The following RASSF1 variants were observed in gnomAD, a reference collection of about 807,000 sequenced individuals.
The protein encoded by RASSF1 is ras association domain-containing protein 1.
In RASSF1, 33 loss-of-function variants were observed where a neutral mutation model predicts 34.3. That is an observed-to-expected ratio of 0.96 (90% CI 0.73 to 1.29). RASSF1 has a LOEUF of 1.29. Ranked by LOEUF, RASSF1 falls within the 50% of genes most tolerant of loss-of-function variation. The probability of loss-of-function intolerance (pLI) is 0.00; values close to 1 mark genes in which losing one functional copy is unlikely to be tolerated. For synonymous variants in RASSF1, 191 were observed against 195.0 expected (o/e 0.98, Z 0.17); for missense variants, 445 against 471.8 (o/e 0.94, Z 0.53).
intron 1 of RASSF1, 62 bp downstream of exon 1, chr3:50,340,494 G>A (rs901586320): frequency 2.2e-6 from 3 of 1,388,266 alleles, no homozygotes; most frequent in African/African-American, 3.1e-5. Flanking sequence ...TTGACCCGCG[G>A]CGACTGCGCT....
At chr3:50,336,533 T>G (rs991065009) in intron 2 of RASSF1, 3 of 152,274 alleles carry the variant, frequency 2.0e-5, no homozygotes, top group Non-Finnish European at 4.4e-5. Flanking sequence ...CCCCTTCCTG[T>G]GGGTAAAGTG....
At chr3:50,333,640 C>T (rs587725873) in intron 2 of RASSF1, among the ~76,000 whole-genome samples, 8 of 152,198 alleles carry the variant, frequency 5.3e-5, no homozygotes, top group South Asian at 2.1e-4. Context: ...CAACAACACC[C>T]GGCTAATTTT....
At chr3:50,339,493 G>T (rs1232267485) in intron 1 of RASSF1, among the ~76,000 whole-genome samples, 6 of 148,456 alleles carry the variant, frequency 4.0e-5, no homozygotes, top group Non-Finnish European at 8.9e-5. Context: ...AGCCTCCCGA[G>T]TAGCTGGGAT....
At chr3:50,337,121 GA>G in intron 2 of RASSF1, 1 of 1,522,976 alleles carries the variant, frequency 6.6e-7, no homozygotes, top group South Asian at 1.2e-5. Flanking sequence ...GGGGAGGGCG[GA>G]GCTCCAGCGA....
rs782278999 is a variant in RASSF1 at position 50,330,255 on chromosome 3, AG to A, written c.*325del. The A allele has an allele frequency of 4.9e-5, 14 of 286,722 alleles. No individual in the cohort carries two copies. Among genetic ancestry groups the A allele is most frequent in the Non-Finnish European group, 8.0e-5 (12 of 149,932 alleles). 17.8% of individuals were successfully genotyped at this position (286,722 alleles called of 1,614,324 possible). On this transcript the variant is annotated 3_prime_UTR_variant, in exon 6 of 6. Transcript: ENST00000359365. The surrounding 1 kb of genome is among the most constrained non-coding windows in gnomAD (Gnocchi z 4.5). The stretch of plus-strand genomic sequence containing the variant: ...GCAAACATGACCCTGTTCTGTTTGC[AG>A]GGTCTCCAAGATTTTCACTTCTGAG...
chr3:50,337,432 C>G, intron 2 of RASSF1: 1 of 1,578,000 alleles, frequency 6.3e-7, no homozygotes, highest in Non-Finnish European at 8.6e-7. Flanking sequence ...GCCAGAGCCG[C>G]GCCGCAACCG....
Position 50,330,310 on chromosome 3 carries a change from C to T in RASSF1, c.*271G>A, listed in dbSNP as rs764954848. On this transcript the variant is annotated 3_prime_UTR_variant, in exon 6 of 6. Coordinates refer to ENST00000359365, the MANE Select transcript of RASSF1 (RefSeq NM_007182.5). The surrounding 1 kb of genome is among the most constrained non-coding windows in gnomAD (Gnocchi z 4.5). The stretch of plus-strand genomic sequence containing the variant: ...AAAATTGAGGAGACTTCTGTCTGCA[C>T]CACTCCTGCTGCAGGCCTGGAGCAG... The T allele has an allele frequency of 2.3e-6, 1 of 426,220 alleles. No individual in the cohort carries two copies. Among genetic ancestry groups the T allele is most frequent in the Non-Finnish European group, 4.2e-6 (1 of 236,116 alleles). 26.4% of individuals were successfully genotyped at this position (426,220 alleles called of 1,614,324 possible).
At position 50,331,680 on chromosome 3, in the gene RASSF1, G is replaced by A. The variant is rs1702947403; in HGVS notation, c.639C>T (p.His213=). The A allele has an allele frequency of 6.2e-7, 1 of 1,613,386 alleles. No homozygotes were observed. Among genetic ancestry groups the A allele is most frequent in the Non-Finnish European group, 8.5e-7 (1 of 1,179,468 alleles). ...SFYLPKDAVK[H]LHVLSRTRAR... Reference sequence around the variant, plus strand: ...CCCTTGTGCGTGACAGCACATGCAGGTGCTTGACAGCATCCTTGGGCAGGT... The same window carrying A: ...CCCTTGTGCGTGACAGCACATGCAGATGCTTGACAGCATCCTTGGGCAGGT... Residue 213 remains histidine, a synonymous_variant, in exon 4 of 6, where the codon CAC becomes CAT. Coordinates refer to ENST00000359365, the MANE Select transcript of RASSF1 (RefSeq NM_007182.5).
intron 2 of RASSF1, chr3:50,337,388 G>A (rs587598512): frequency 6.3e-7 from 1 of 1,591,910 alleles, no homozygotes; most frequent in East Asian, 2.2e-5. Context: ...TCGCGTGCGT[G>A]CGTGTACGCG....
intron 1 of RASSF1, chr3:50,338,225 C>G: frequency 7.2e-7 from 1 of 1,388,964 alleles, no homozygotes; most frequent in South Asian, 1.7e-5. Flanking sequence ...GAGGCCTGCT[C>G]AACAGTTGGA....
Position 50,340,801 on chromosome 3 carries a change from G to T in RASSF1, c.5C>A (p.Ser2Ter). The T allele has an allele frequency of 6.6e-7, 1 of 1,506,718 alleles. No homozygotes were observed. Among genetic ancestry groups the T allele is most frequent in the South Asian group, 1.2e-5 (1 of 81,634 alleles). The allele number at this position is 1,506,718 out of a possible 1,614,324, so 93.3% of individuals were successfully genotyped here. A position where few individuals can be genotyped will look rare whatever the true frequency, so the allele number is the denominator to read the frequency against. Residue 2 changes from serine (S) to a stop codon, truncating the protein, a stop_gained, in exon 1 of 6, where the codon TCG (serine) becomes TAG (stop). Transcript: ENST00000359365. LOFTEE classifies it high-confidence loss of function. ...CAGCTCAATGAGCTCAGGCTCCCCC[G>T]ACATGGCCCGGTTGGGCCCGTGCTT... The part of the protein sequence containing the change: M[S>*]GEPELIELRE...
chr3:50,334,056 C>T (rs1008081235), intron 2 of RASSF1, among the ~76,000 whole-genome samples: 13 of 152,288 alleles, frequency 8.5e-5, no homozygotes, highest in African/African-American at 2.9e-4. Flanking sequence ...TGTGCCTAGC[C>T]CAGGAGAGCC....
In RASSF1 at chr3:50,330,601, G is replaced by C. The variant is rs782164050; in HGVS notation, c.1003C>G (p.His335Asp). The change falls in exon 6 of 6, where the codon CAC (histidine) becomes GAC (aspartate). Residue 335 changes from histidine to aspartate, a missense_variant. Physicochemically the swap from His to Asp is moderately conservative, Grantham distance 81. Coordinates refer to ENST00000359365, the MANE Select transcript of RASSF1 (RefSeq NM_007182.5). The surrounding 1 kb of genome is among the most constrained non-coding windows in gnomAD (Gnocchi z 4.5). ...YCRQKIQEAL[H>D]ACPLG ...AGAGGTCACCCAAGGGGGCAGGCGT[G>C]CAGGGCCTCTTGGATCTTCTGGCGG... The C allele has an allele frequency of 1.2e-6, 2 of 1,614,156 alleles. No homozygotes were observed. The highest frequency in any genetic ancestry group is 1.1e-5 in the South Asian group (1 of 91,078).
chr3:50,331,153 C>G (rs1702920269), intron 5 of RASSF1, among the ~76,000 whole-genome samples, 181 bp downstream of exon 5: 1 of 152,232 alleles, frequency 6.6e-6, no homozygotes, highest in African/African-American at 2.4e-5. Flanking sequence ...CTTCTTGGGA[C>G]AACCCTAGGC....
At position 50,331,319 on chromosome 3, in the gene RASSF1, G is replaced by C. The variant is rs977333796; in HGVS notation, c.876+15C>G. The C allele has an allele frequency of 6.6e-7, 1 of 1,519,728 alleles. No individual in the cohort carries two copies. The highest frequency in any genetic ancestry group is 1.2e-5 in the South Asian group (1 of 83,006). The allele number at this position is 1,519,728 out of a possible 1,614,324, so 94.1% of individuals were successfully genotyped here. On this transcript the variant is annotated intron_variant, in intron 5 of 5. Coordinates refer to ENST00000359365, the MANE Select transcript of RASSF1 (RefSeq NM_007182.5). The stretch of plus-strand genomic sequence containing the variant: ...TGTCTAGTGACAACCAAGAAACTAA[G>C]AACTATGTACTCACGTTCACCTCCC...
In RASSF1 at chr3:50,332,050, C is replaced by T. The variant is rs1702967134; in HGVS notation, c.462G>A (p.Leu154=). Residue 154 remains leucine (L), a splice_region_variant and synonymous_variant, in exon 3 of 6, where the codon TTG becomes TTA. Coordinates refer to ENST00000359365, the MANE Select transcript of RASSF1 (RefSeq NM_007182.5). ...CCCCCTTCCTGAGCAGTCAACTCAC[C>T]AAGCTCATGAAGAGGTTGCTGTTGA... The part of the protein sequence containing the change: ...AQINSNLFMS[L]NKDGSYTGFI... The T allele has an allele frequency of 1.2e-6, 2 of 1,613,694 alleles. No homozygotes were observed. The highest frequency in any genetic ancestry group is 2.7e-5 in the African/African-American group (2 of 74,898).
chr3:50,337,783 G>T, intron 2 of RASSF1, 122 bp downstream of exon 2: 1 of 1,098,004 alleles, frequency 9.1e-7, no homozygotes, highest in Non-Finnish European at 1.3e-6. Flanking sequence ...GCCTCTCTGT[G>T]CCGCCGGGAA....
Position 50,340,476 on chromosome 3 carries a change from G to A in RASSF1, c.250+80C>T, listed in dbSNP as rs1703323499. 2.9e-6 allele frequency: 4 copies of A among 1,380,178 alleles called. No individual in the cohort carries two copies. The African/African-American group carries it at 6.1e-5, about 21-fold the overall frequency. The allele number at this position is 1,380,178 out of a possible 1,614,324, so 85.5% of individuals were successfully genotyped here. Reference sequence around the variant, plus strand: ...GGAGCTGTCCCCGCCGACCCCCTCTGCCGCGACTTGACCCGCGGCGACTGC... The same window carrying A: ...GGAGCTGTCCCCGCCGACCCCCTCTACCGCGACTTGACCCGCGGCGACTGC... On this transcript the variant is annotated intron_variant, in intron 1 of 5. Coordinates refer to ENST00000359365, the MANE Select transcript of RASSF1 (RefSeq NM_007182.5).
At position 50,330,435 on chromosome 3, in the gene RASSF1, T is replaced by G; in HGVS notation, c.*146A>C. Reference sequence around the variant, plus strand: ...CCACAGGTGGACACAGGGAGCAAGCTACTTCGCTGTTCTCTGGGCTCATTC... The same window carrying G: ...CCACAGGTGGACACAGGGAGCAAGCGACTTCGCTGTTCTCTGGGCTCATTC... On this transcript the variant is annotated 3_prime_UTR_variant, in exon 6 of 6. Transcript: ENST00000359365. This position sits in a 1 kb window ranked among gnomAD's most constrained non-coding sequence, Gnocchi z 4.5. 1 of 1,144,122 alleles carries G rather than the reference T, an allele frequency of 8.7e-7. No individual in the cohort carries two copies. 70.9% of individuals were successfully genotyped at this position (1,144,122 alleles called of 1,614,324 possible).
Sources: gnomAD v4.1 joint callset for allele counts (sites outside exome capture counted in the v4.1 genomes callset) on GRCh38, gnomAD v4.1.1 for gene constraint, Gnocchi (gnomAD v3.1) non-coding constraint, MANE v1.5 for transcripts, NCBI Gene and HGNC (gene_info 2026-07-23, HGNC 2026-07-21) for gene names.